AFDN: variants seen among roughly 807,000 people sequenced by gnomAD.
AFDN encodes the protein afadin, adherens junction formation factor.
A neutral mutation model predicts 216.6 loss-of-function variants in AFDN; 68 were observed. The ratio of observed to expected loss-of-function variants is 0.31; its 90% CI spans 0.26 to 0.38. The LOEUF (loss-of-function observed/expected upper bound fraction) is 0.38, where lower values mean the gene tolerates loss of function less well. Among genes scored for constraint, AFDN ranks in the 10% least tolerant of loss-of-function variants. AFDN has a pLI of 1.00. For synonymous variants in AFDN, 868 were observed against 853.7 expected, an observed-to-expected ratio of 1.02 and a Z score of -0.29; for missense variants, 2,136 against 2,342.0, an observed-to-expected ratio of 0.91 and a Z score of 1.82.
intron 1 of AFDN, among the ~76,000 whole-genome samples, chr6:167,832,893 G>C (rs1779980392): frequency 6.6e-6 from 1 of 152,170 alleles, no homozygotes; most frequent in Non-Finnish European, 1.5e-5. Flanking sequence ...GCTTTACCTT[G>C]TAAGCGTCAC....
intron 23 of AFDN, among the ~76,000 whole-genome samples, chr6:167,925,529 A>G (rs927653100): frequency 6.6e-6 from 1 of 152,124 alleles, no homozygotes; most frequent in African/African-American, 2.4e-5. Context: ...TTTGCTACAC[A>G]AGGAGATTTC....
chr6:167,917,508 A>G (rs903681806), intron 20 of AFDN, among the ~76,000 whole-genome samples: 3 of 152,210 alleles, frequency 2.0e-5, no homozygotes, highest in African/African-American at 7.2e-5. Context: ...GTTGGGTTCC[A>G]GTGTACGTAG....
chr6:167,891,435 G>T (rs1787588157), intron 8 of AFDN, among the ~76,000 whole-genome samples: 1 of 151,578 alleles, frequency 6.6e-6, no homozygotes, highest in Non-Finnish European at 1.5e-5. Context: ...GTGTGTGTGT[G>T]TGTGTGTGTG....
intron 15 of AFDN, chr6:167,912,086 A>T (rs1340025680): frequency 6.5e-6 from 1 of 152,674 alleles, no homozygotes; most frequent in Non-Finnish European, 1.5e-5. Context: ...ACATTGTAAC[A>T]TACTTCTCAC....
intron 22 of AFDN, among the ~76,000 whole-genome samples, chr6:167,923,831 G>C (rs1277122191): frequency 6.6e-6 from 1 of 151,642 alleles, no homozygotes; most frequent in African/African-American, 2.4e-5. Flanking sequence ...CACCATGTTG[G>C]CCAGCCTGGT....
upstream of AFDN, chr6:167,826,704 C>T (rs983097500): frequency 1.2e-5 from 5 of 432,212 alleles, no homozygotes; most frequent in African/African-American, 8.0e-5. Context: ...TGGGACCCAC[C>T]ACCGCCAGTC....
chr6:167,965,709 T>G, intron 31 of AFDN, 48 bp from the exon 32 acceptor site: 1 of 1,474,472 alleles, frequency 6.8e-7, no homozygotes, highest in East Asian at 2.4e-5. Flanking sequence ...GGTCGGCTGT[T>G]CCCTTCTCAC....
chr6:167,849,568 C>T (rs146766922), intron 1 of AFDN, among the ~76,000 whole-genome samples: 1,814 of 152,066 alleles, frequency 0.012, 23 homozygotes, highest in Non-Finnish European at 0.018. Context: ...ATTCTGTATC[C>T]CTGTCTTTGA....
chr6:167,893,788 TC>T, intron 8 of AFDN, 73 bp from the exon 9 acceptor site: 1 of 1,142,742 alleles, frequency 8.8e-7, no homozygotes, highest in Non-Finnish European at 1.3e-6. Flanking sequence ...CCTTCCCTAT[TC>T]CGCGTGTTCT....
At chr6:167,923,102 T>A (rs1419838029) in intron 22 of AFDN, 143 bp downstream of exon 22, 8 of 582,788 alleles carry the variant, frequency 1.4e-5, no homozygotes, top group Middle Eastern at 2.8e-4. Context: ...TCAGAAATTT[T>A]CAAGCCATAA....
intron 11 of AFDN, 108 bp downstream of exon 11, chr6:167,898,575 TA>T (rs1269943147): frequency 4.5e-5 from 57 of 1,257,106 alleles, no homozygotes; most frequent in Non-Finnish European, 5.7e-5. Context: ...TTTAAAAAAA[TA>T]TCAAAGTGAA....
chr6:167,908,236 A>T (rs1014038411), intron 13 of AFDN, among the ~76,000 whole-genome samples: 1 of 152,352 alleles, frequency 6.6e-6, no homozygotes. Context: ...CAGGTGACGA[A>T]GACACAGTTC....
At chr6:167,897,667 T>TG (rs1788447611) in intron 10 of AFDN, among the ~76,000 whole-genome samples, 5 of 116,286 alleles carry the variant, frequency 4.3e-5, no homozygotes, top group African/African-American at 1.1e-4. Context: ...TTTTTTTTTT[T>TG]GAGACAGTCT....
At chr6:167,828,023 C>G (rs1026979131) in intron 1 of AFDN, 2 of 152,236 alleles carry the variant, frequency 1.3e-5, no homozygotes, top group Non-Finnish European at 2.9e-5. Context: ...CTAGGAAGGG[C>G]TCCGTGGAGA....
At chr6:167,966,169 T>G (rs1040192433) in intron 32 of AFDN, 124 bp downstream of exon 32, 11 of 1,534,300 alleles carry the variant, frequency 7.2e-6, no homozygotes, top group African/African-American at 1.4e-5. Context: ...TCCAACTCAT[T>G]CCAGCCACCC....
intron 1 of AFDN, among the ~76,000 whole-genome samples, chr6:167,862,958 A>G (rs1783762581): frequency 6.6e-6 from 1 of 152,174 alleles, no homozygotes; most frequent in African/African-American, 2.4e-5. Context: ...CTCTTGGTAT[A>G]GTGGGTAACA....
At chr6:167,913,522 A>G (rs1790673512) in intron 16 of AFDN, 99 bp downstream of exon 16, 2 of 1,108,792 alleles carry the variant, frequency 1.8e-6, no homozygotes, top group Non-Finnish European at 2.6e-6. Context: ...TGGACTGAAC[A>G]GCTCATAACA....
intron 3 of AFDN, among the ~76,000 whole-genome samples, 185 bp downstream of exon 3, chr6:167,870,683 A>G (rs1336470458): frequency 6.6e-6 from 1 of 152,164 alleles, no homozygotes; most frequent in Non-Finnish European, 1.5e-5. Flanking sequence ...CTTTATCTCA[A>G]CTAGTAATTC....
At chr6:167,961,083 A>G (rs1484465898) in intron 30 of AFDN, among the ~76,000 whole-genome samples, 3 of 152,132 alleles carry the variant, frequency 2.0e-5, no homozygotes, top group Non-Finnish European at 4.4e-5. Flanking sequence ...AAAAAAATAC[A>G]TACAAAATCA....
Sources: gnomAD v4.1 joint callset for allele counts (sites outside exome capture counted in the v4.1 genomes callset) on GRCh38, gnomAD v4.1.1 for gene constraint, MANE v1.5 for transcripts, NCBI Gene and HGNC (gene_info 2026-07-23, HGNC 2026-07-21) for gene names.